HPSE2: variants seen among roughly 807,000 people sequenced by gnomAD.
The protein encoded by HPSE2 is inactive heparanase-2.
In HPSE2, 38 loss-of-function variants were observed where a neutral mutation model predicts 60.5. The ratio of observed to expected loss-of-function variants is 0.63; its 90% CI spans 0.48 to 0.82. The LOEUF (loss-of-function observed/expected upper bound fraction) is 0.82. HPSE2 is among the 40% of genes least tolerant of loss of function. The pLI is 0.00. For missense variants in HPSE2, 713 were observed against 740.4 expected (o/e 0.96, Z 0.43); for synonymous variants, 295 against 293.2 (o/e 1.01, Z -0.06).
chr10:98,798,574 A>C (rs1336729102), intron 3 of HPSE2, among the ~76,000 whole-genome samples: 6 of 152,194 alleles, frequency 3.9e-5, no homozygotes, highest in Non-Finnish European at 1.5e-5. Context: ...AAAAGTTAAA[A>C]ATTGAGGGGA....
At chr10:98,725,946 T>A (rs549732696) in intron 4 of HPSE2, among the ~76,000 whole-genome samples, 12 of 152,282 alleles carry the variant, frequency 7.9e-5, no homozygotes, top group East Asian at 3.9e-4. Context: ...ATACCATCTC[T>A]CACCAGTTAG....
chr10:99,040,131 A>G (rs1460306438), intron 3 of HPSE2, among the ~76,000 whole-genome samples: 1 of 152,192 alleles, frequency 6.6e-6, no homozygotes, highest in East Asian at 1.9e-4. Context: ...GTAATGCTAC[A>G]CAGATAATTC....
chr10:98,567,643 G>T (rs1944383492), intron 9 of HPSE2, among the ~76,000 whole-genome samples: 1 of 151,854 alleles, frequency 6.6e-6, no homozygotes. Context: ...CAGACCACAG[G>T]CAAAGGAGGC....
At chr10:99,278,733 G>A in the HPSE2 span, among the ~76,000 whole-genome samples, 1 of 152,092 alleles carries the variant, frequency 6.6e-6, no homozygotes, top group East Asian at 1.9e-4. Flanking sequence ...GTGATCTTAG[G>A]CAAATTATTT....
chr10:98,885,398 G>T (rs781088852), intron 3 of HPSE2, among the ~76,000 whole-genome samples: 1 of 152,134 alleles, frequency 6.6e-6, no homozygotes, highest in Non-Finnish European at 1.5e-5. Context: ...GCTTAATAAA[G>T]CAACTGCAGA....
At chr10:98,546,410 A>T (rs1943675656) in intron 9 of HPSE2, among the ~76,000 whole-genome samples, 2 of 147,694 alleles carry the variant, frequency 1.4e-5, no homozygotes, top group Non-Finnish European at 3.0e-5. Flanking sequence ...ACTATACTAC[A>T]AGGCTACAGT....
intron 3 of HPSE2, among the ~76,000 whole-genome samples, chr10:98,902,903 T>A (rs1323230910): frequency 1.3e-5 from 2 of 152,032 alleles, no homozygotes; most frequent in Non-Finnish European, 2.9e-5. Flanking sequence ...CCAGGTGAGA[T>A]GACAATTCTA....
intron 3 of HPSE2, among the ~76,000 whole-genome samples, chr10:98,943,087 G>C (rs957822454): frequency 8.9e-6 from 1 of 112,082 alleles, no homozygotes; most frequent in Non-Finnish European, 1.7e-5. Context: ...GTTGTGGGGT[G>C]GGGGGAGGGG....
At chr10:99,062,553 T>C (rs1465990926) in intron 3 of HPSE2, among the ~76,000 whole-genome samples, 2 of 152,160 alleles carry the variant, frequency 1.3e-5, no homozygotes, top group Non-Finnish European at 1.5e-5. Flanking sequence ...CTCTGTTATC[T>C]ACTGATACAA....
intron 3 of HPSE2, among the ~76,000 whole-genome samples, chr10:99,061,490 T>A (rs1015778720): frequency 2.6e-5 from 4 of 152,244 alleles, no homozygotes; most frequent in African/African-American, 9.6e-5. Flanking sequence ...GTTTCTAGCA[T>A]AAGACAAATC....
Position 98,504,044 on chromosome 10 carries a change from G to A in HPSE2, c.1321-13848C>T, listed in dbSNP as rs531594244. ...GTGAATAACTTATTTAGATTTTTTT[G>A]GATTAAGGTAGAATACGAAAGGTGA... is the stretch of plus-strand genomic sequence containing the variant. On this transcript the variant is annotated intron_variant, in intron 9 of 11. Transcript: ENST00000370552. Among the ~76,000 whole-genome samples, 55 of 152,146 alleles carry A rather than the reference G, an allele frequency of 3.6e-4. No homozygotes were observed. In the South Asian group the frequency reaches 8.1e-3, roughly 22 times the overall value.
chr10:99,025,595 C>T (rs1957360494), intron 3 of HPSE2, among the ~76,000 whole-genome samples: 1 of 152,070 alleles, frequency 6.6e-6, no homozygotes, highest in African/African-American at 2.4e-5. Flanking sequence ...CAAACTAACA[C>T]AGGAACAAAA....
chr10:99,311,192 T>C, the HPSE2 span, among the ~76,000 whole-genome samples: 1 of 152,204 alleles, frequency 6.6e-6, no homozygotes, highest in Non-Finnish European at 1.5e-5. Flanking sequence ...CAATTACTAT[T>C]AGTACCCAAT....
At chr10:98,602,754 T>C (rs549410715) in intron 9 of HPSE2, among the ~76,000 whole-genome samples, 84 of 152,280 alleles carry the variant, frequency 5.5e-4, no homozygotes, top group African/African-American at 2.0e-3. Context: ...TGTATCTACA[T>C]GCAAAAGAAT....
chr10:98,684,882 C>G (rs1947873791), intron 6 of HPSE2, among the ~76,000 whole-genome samples: 1 of 151,898 alleles, frequency 6.6e-6, no homozygotes, highest in African/African-American at 2.4e-5. Context: ...CTTCCTACAT[C>G]CAAGGATTAA....
chr10:98,772,377 T>C (rs1950259684), intron 3 of HPSE2, among the ~76,000 whole-genome samples: 1 of 152,180 alleles, frequency 6.6e-6, no homozygotes, highest in South Asian at 2.1e-4. Flanking sequence ...GATCCTTTGC[T>C]AGTTAGTCCC....
chr10:98,852,119 G>T (rs1389497755), intron 3 of HPSE2, among the ~76,000 whole-genome samples: 2 of 98,412 alleles, frequency 2.0e-5, no homozygotes, highest in African/African-American at 1.1e-4. Context: ...TATGATGTGT[G>T]TGTGTGTGTG....
intron 3 of HPSE2, among the ~76,000 whole-genome samples, chr10:98,817,584 A>G (rs946934126): frequency 1.7e-4 from 26 of 152,162 alleles, no homozygotes; most frequent in African/African-American, 5.5e-4. Context: ...AGAGAAAGAA[A>G]AAGTCCTTGA....
At chr10:98,906,812 G>A (rs1341056296) in intron 3 of HPSE2, among the ~76,000 whole-genome samples, 1 of 151,868 alleles carries the variant, frequency 6.6e-6, no homozygotes, top group East Asian at 1.9e-4. Context: ...GCTGAGGCAG[G>A]AGAATCACGT....
Sources: gnomAD v4.1 joint callset for allele counts (sites outside exome capture counted in the v4.1 genomes callset) on GRCh38, gnomAD v4.1.1 for gene constraint, MANE v1.5 for transcripts, NCBI Gene and HGNC (gene_info 2026-07-23, HGNC 2026-07-21) for gene names.